Variants in CECR2 observed in about 807,000 individuals in gnomAD.
The protein encoded by CECR2 is chromatin remodeling regulator CECR2.
A neutral mutation model predicts 154.5 loss-of-function variants in CECR2; 30 were observed. The observed-to-expected ratio is 0.19, with a 90% CI of 0.15 to 0.26. The LOEUF (loss-of-function observed/expected upper bound fraction) is 0.26, where lower values mean the gene tolerates loss of function less well. Among genes scored for constraint, CECR2 ranks in the 10% least tolerant of loss-of-function variants. The probability of loss-of-function intolerance (pLI) is 1.00; values close to 1 mark genes in which losing one functional copy is unlikely to be tolerated. For missense variants in CECR2, 1,743 were observed against 1,829.3 expected (o/e 0.95, Z 0.86); for synonymous variants, 725 against 683.7 (o/e 1.06, Z -0.94).
intron 1 of CECR2, among the ~76,000 whole-genome samples, chr22:17,444,661 G>T (rs189798250): frequency 6.6e-6 from 1 of 152,008 alleles, no homozygotes; most frequent in African/African-American, 2.4e-5. Flanking sequence ...TTTCTCATGG[G>T]AGAAGTCATA....
intron 1 of CECR2, among the ~76,000 whole-genome samples, chr22:17,409,913 G>A (rs2054039081): frequency 9.0e-6 from 1 of 111,450 alleles, no homozygotes; most frequent in African/African-American, 3.0e-5. Flanking sequence ...TTTGTGTTCT[G>A]AACTGTGTCT....
chr22:17,400,548 T>A (rs2053876707), intron 1 of CECR2, among the ~76,000 whole-genome samples: 1 of 152,214 alleles, frequency 6.6e-6, no homozygotes, highest in Non-Finnish European at 1.5e-5. Flanking sequence ...AAGTCTTTGT[T>A]TTATGGCGGA....
At chr22:17,416,106 G>A (rs565185937) in intron 1 of CECR2, among the ~76,000 whole-genome samples, 6 of 152,278 alleles carry the variant, frequency 3.9e-5, no homozygotes, top group Admixed American at 3.3e-4. Flanking sequence ...GGAGTTGGGT[G>A]CCTTTCTTAG....
At chr22:17,457,808 T>G (rs559935434) in intron 1 of CECR2, among the ~76,000 whole-genome samples, 3 of 152,178 alleles carry the variant, frequency 2.0e-5, no homozygotes, top group African/African-American at 4.8e-5. Context: ...TTCCATAGAC[T>G]ACTCCTCAGC....
intron 1 of CECR2, among the ~76,000 whole-genome samples, chr22:17,422,898 C>A (rs2146609072): frequency 6.6e-6 from 1 of 152,228 alleles, no homozygotes; most frequent in African/African-American, 2.4e-5. Context: ...TCATGCTGCC[C>A]ACCTGTTCCT....
intron 2 of CECR2, among the ~76,000 whole-genome samples, chr22:17,485,078 A>G (rs1294080951): frequency 6.6e-6 from 1 of 152,196 alleles, no homozygotes; most frequent in Non-Finnish European, 1.5e-5. Flanking sequence ...CTGTCTACTC[A>G]TGGAAATGAT....
chr22:17,505,108 A>T (rs1018201544), intron 7 of CECR2, 92 bp downstream of exon 7: 95 of 1,245,584 alleles, frequency 7.6e-5, no homozygotes, highest in Non-Finnish European at 8.0e-5. Flanking sequence ...CATACACCCC[A>T]CTGTCCTGGA....
rs775825976 is a variant in CECR2, at chr22:17,548,473, T to C, written c.3186T>C (p.Ser1062=). The change falls in exon 17 of 19, where the codon TCT becomes TCC. Residue 1062 remains serine (S), a synonymous_variant. Transcript: ENST00000262608. The part of the protein sequence containing the change: ...LSENGVIGEA[S]PCGSEGKGLG... ...AGAACGGAGTCATTGGGGAAGCATC[T>C]CCTTGTGGATCGGAGGGGAAGGGCC... 6.8e-6 allele frequency: 11 copies of C among 1,613,908 alleles called. No individual in the cohort carries two copies. Among genetic ancestry groups the C allele is most frequent in the Non-Finnish European group, 9.3e-6 (11 of 1,179,870 alleles).
chr22:17,431,155 C>G (rs764682975), intron 1 of CECR2, among the ~76,000 whole-genome samples: 4 of 152,156 alleles, frequency 2.6e-5, no homozygotes, highest in Admixed American at 6.6e-5. Flanking sequence ...AAAGAAAACT[C>G]TGAAATTTGA....
At chr22:17,543,191 G>A (rs192770906) in intron 16 of CECR2, among the ~76,000 whole-genome samples, 188 bp downstream of exon 16, 1 of 152,174 alleles carries the variant, frequency 6.6e-6, no homozygotes, top group Admixed American at 6.5e-5. Context: ...GGAGTGCAGT[G>A]GTGTGATTTC....
intron 1 of CECR2, among the ~76,000 whole-genome samples, chr22:17,363,108 G>A (rs9605265): frequency 0.64 from 95,855 of 149,638 alleles, 31,321 homozygotes; most frequent in African/African-American, 0.76. Context: ...AGAGTGCAGC[G>A]GCACCATCTT....
rs1451751092 is a variant in CECR2, at chr22:17,554,810, T to C, written c.*1970T>C. 2 of 152,174 alleles carry C rather than the reference T, an allele frequency of 1.3e-5. No individual in the cohort carries two copies. Among genetic ancestry groups the C allele is most frequent in the African/African-American group, 2.4e-5 (1 of 41,440 alleles). 9.4% of individuals were successfully genotyped at this position (152,174 alleles called of 1,614,324 possible). A position where few individuals can be genotyped will look rare whatever the true frequency, so the allele number is the denominator to read the frequency against. On this transcript the variant is annotated 3_prime_UTR_variant, in exon 19 of 19. Transcript: ENST00000262608. ...TAGAAGAGTGAAGAGGACAGAAGGATTGTGGATGGGTCTGCCCTTTAGCTA... is the reference window on the plus strand; with the variant it reads ...TAGAAGAGTGAAGAGGACAGAAGGACTGTGGATGGGTCTGCCCTTTAGCTA...
intron 13 of CECR2, 39 bp downstream of exon 13, chr22:17,539,158 A>T: frequency 6.2e-7 from 1 of 1,603,380 alleles, no homozygotes; most frequent in Non-Finnish European, 8.5e-7. Flanking sequence ...ACATATCTGT[A>T]ATCAAGAATA....
At chr22:17,370,867 A>G (rs1171303303) in intron 1 of CECR2, among the ~76,000 whole-genome samples, 1 of 152,108 alleles carries the variant, frequency 6.6e-6, no homozygotes, top group Non-Finnish European at 1.5e-5. Context: ...GGCAGGTTGA[A>G]TTGCCTTCTC....
At chr22:17,435,680 T>C (rs912551227) in intron 1 of CECR2, among the ~76,000 whole-genome samples, 1 of 119,308 alleles carries the variant, frequency 8.4e-6, no homozygotes, top group Non-Finnish European at 1.7e-5. Context: ...GCTCTTTTAA[T>C]TCTTAAAAAA....
chr22:17,542,338 G>A lies in CECR2; in HGVS notation c.2195G>A (p.Gly732Glu), dbSNP rs2056537945. The change falls in exon 16 of 19, where the codon GGA becomes GAA. Residue 732 changes from glycine to glutamate, a missense_variant. Gly to Glu is a moderately conservative substitution (Grantham distance 98). This residue lies in a region of CECR2 where 1,250 missense variants were observed against 1,192.1 expected (regional missense o/e 1.05). Transcript: ENST00000262608. Reference protein sequence around the residue: ...SMYAPAQFQPGFIPPRHGGAP... With the variant: ...SMYAPAQFQPEFIPPRHGGAP... ...TATGCTCCAGCTCAGTTCCAGCCAG[G>A]ATTCATTCCTCCCCGGCATGGGGGG... 1 of 1,613,504 alleles carries A rather than the reference G, an allele frequency of 6.2e-7. No individual in the cohort carries two copies. The highest frequency in any genetic ancestry group is 1.7e-5 in the Admixed American group (1 of 59,978).
At chr22:17,447,576 TAATAAAATAAAATCACATAGGAGTAATA>T (rs1284872906) in intron 1 of CECR2, among the ~76,000 whole-genome samples, 1 of 149,296 alleles carries the variant, frequency 6.7e-6, no homozygotes, top group Non-Finnish European at 1.5e-5. Flanking sequence ...AAATAGTAAT[TAATAAAATAAAATCACATAGGAGTAATA>T]AATAAAATAA....
In CECR2 at chr22:17,542,834, C is replaced by G. The variant is rs2147033687; in HGVS notation, c.2691C>G (p.Pro897=). 1 of 1,613,790 alleles carries G rather than the reference C, an allele frequency of 6.2e-7. No individual in the cohort carries two copies. Among genetic ancestry groups the G allele is most frequent in the East Asian group, 2.2e-5 (1 of 44,856 alleles). Residue 897 remains proline, a synonymous_variant, in exon 16 of 19, where the codon CCC becomes CCG. Coordinates refer to ENST00000262608, the MANE Select transcript of CECR2 (RefSeq NM_001290047.2). ...AGCAGCTCTCCTCCCGCGTCTGCCC[C>G]CCAGGTGTGCCTTACCACCCCCACC... ...AMQQLSSRVC[P]PGVPYHPHQP... is the part of the protein sequence containing the mutation.
At chr22:17,509,144 A>G (rs778070096) in intron 7 of CECR2, among the ~76,000 whole-genome samples, 4 of 152,202 alleles carry the variant, frequency 2.6e-5, no homozygotes, top group Non-Finnish European at 5.9e-5. Flanking sequence ...CCAGCCACTC[A>G]GGAAGCTGAG....
Sources: allele counts gnomAD v4.1 joint callset (sites outside exome capture counted in the v4.1 genomes callset), GRCh38; gene constraint gnomAD v4.1.1; regional missense constraint gnomAD v4.1.1; transcripts MANE v1.5; gene names NCBI Gene and HGNC (gene_info 2026-07-23, HGNC 2026-07-21).